Variants in VAV2 observed in about 807,000 individuals in gnomAD.
VAV2 encodes vav guanine nucleotide exchange factor 2, also known as guanine nucleotide exchange factor VAV2.
Under a neutral mutation model 132.5 loss-of-function variants are expected in VAV2, and 67 were observed. That is an observed-to-expected ratio of 0.51 (90% CI 0.42 to 0.62). The LOEUF is 0.62. VAV2 is among the 20% of genes least tolerant of loss of function. The pLI is 0.00. For missense variants in VAV2, 938 were observed against 1,153.6 expected, an observed-to-expected ratio of 0.81 and a Z score of 2.71; for synonymous variants, 492 against 443.5, an observed-to-expected ratio of 1.11 and a Z score of -1.37.
At chr9:133,956,189 G>A (rs950623937) in intron 1 of VAV2, among the ~76,000 whole-genome samples, 2 of 152,074 alleles carry the variant, frequency 1.3e-5, no homozygotes. Context: ...GGTTCACAGG[G>A]AGAGAGGGAG....
intron 1 of VAV2, among the ~76,000 whole-genome samples, chr9:133,988,328 G>A (rs1180693437): frequency 6.6e-6 from 1 of 152,164 alleles, no homozygotes; most frequent in African/African-American, 2.4e-5. Context: ...CCACAAGAGA[G>A]TAAGCCAGCT....
At position 133,820,393 on chromosome 9, in the gene VAV2, G is replaced by A. The variant is rs562444748; in HGVS notation, c.450-8177C>T. On this transcript the variant is annotated intron_variant, in intron 4 of 29. Coordinates refer to ENST00000371850, the MANE Select transcript of VAV2 (RefSeq NM_001134398.2). ...GGCTGAAGTGCAGTGGCACTATCTC[G>A]GCTCACTGCAGGCTCTGCCTCCGGG... is the stretch of plus-strand genomic sequence containing the variant. Among the ~76,000 whole-genome samples the A allele has an allele frequency of 1.1e-4, 16 of 148,752 alleles. No homozygotes were observed. The East Asian group carries it at 1.2e-3, about 11-fold the overall frequency.
chr9:133,962,839 A>T (rs1273132469), intron 1 of VAV2, among the ~76,000 whole-genome samples: 1 of 152,132 alleles, frequency 6.6e-6, no homozygotes, highest in Non-Finnish European at 1.5e-5. Context: ...TTCTGCTTCA[A>T]AACCACATTG....
At chr9:133,864,025 G>A (rs1363223271) in intron 2 of VAV2, among the ~76,000 whole-genome samples, 1 of 152,132 alleles carries the variant, frequency 6.6e-6, no homozygotes, top group African/African-American at 2.4e-5. Context: ...GTCCCCAGGG[G>A]CCCGGCTCTC....
chr9:133,908,274 C>A (rs1564456059), intron 2 of VAV2, among the ~76,000 whole-genome samples: 1 of 152,018 alleles, frequency 6.6e-6, no homozygotes, highest in Non-Finnish European at 1.5e-5. Flanking sequence ...TGGGGTGAGC[C>A]TGGACCCGCA....
chr9:133,966,104 C>T (rs1315642722), intron 1 of VAV2, among the ~76,000 whole-genome samples: 1 of 152,178 alleles, frequency 6.6e-6, no homozygotes, highest in Non-Finnish European at 1.5e-5. Context: ...ACTAGACTTC[C>T]ATGTCTCCCC....
chr9:133,982,970 A>G (rs767443706), intron 1 of VAV2, among the ~76,000 whole-genome samples: 4 of 152,150 alleles, frequency 2.6e-5, no homozygotes, highest in Non-Finnish European at 5.9e-5. Flanking sequence ...CAAGAAACCT[A>G]AAATATTTAC....
At position 133,834,544 on chromosome 9, in the gene VAV2, C is replaced by T. The variant is rs148453015; in HGVS notation, c.381-204G>A. On this transcript the variant is annotated intron_variant, in intron 3 of 29. Transcript: ENST00000371850. The surrounding 1 kb of genome is among the most constrained non-coding windows in gnomAD (Gnocchi z 5.9). ...CTGGGCCATAGGGCAAGAGGAGACCCATGCCTACTTGCCAGGGGGCAAGGA... is the reference window on the plus strand; with the variant it reads ...CTGGGCCATAGGGCAAGAGGAGACCTATGCCTACTTGCCAGGGGGCAAGGA... 1.3e-3 allele frequency among the ~76,000 whole-genome samples: 191 copies of T among 152,384 alleles called. 1 individual carries two copies. The Middle Eastern group carries it at 0.024, about 19-fold the overall frequency.
At position 133,908,865 on chromosome 9, in the gene VAV2, GA is replaced by G. The variant is rs560331790; in HGVS notation, c.321+30237del. On this transcript the variant is annotated intron_variant, in intron 2 of 29. Transcript: ENST00000371850. The stretch of plus-strand genomic sequence containing the variant: ...CCCTGCAGTTCTGAAAATGTGTGGG[GA>G]CCCAGGCACCCACAATCTGGTGAGG... Among the ~76,000 whole-genome samples, 21 of 152,338 alleles carry G rather than the reference GA, an allele frequency of 1.4e-4. 1 individual carries two copies. The South Asian group carries it at 4.4e-3, about 32-fold the overall frequency.
rs1217468550 is a variant in VAV2 at position 133,964,022 on chromosome 9, C to CATATGTACATATAT, written c.205-24804_205-24803insATATATGTACATAT. On this transcript the variant is annotated intron_variant, in intron 1 of 29. Coordinates refer to ENST00000371850, the MANE Select transcript of VAV2 (RefSeq NM_001134398.2). ...TAAACTTTAAAAAAAATTATTCATT[C>CATATGTACATATAT]ATATATATATATATATATATATATA... 9.9e-4 allele frequency among the ~76,000 whole-genome samples: 93 copies of CATATGTACATATAT among 93,846 alleles called. 7 individuals are homozygous for CATATGTACATATAT. Among genetic ancestry groups the CATATGTACATATAT allele is most frequent in the East Asian group, 1.3e-3 (4 of 3,166 alleles). The allele number at this position is 93,846 out of a possible 152,430, so 61.6% of individuals were successfully genotyped here.
intron 2 of VAV2, among the ~76,000 whole-genome samples, chr9:133,896,616 G>C (rs989672190): frequency 2.6e-5 from 4 of 152,206 alleles, no homozygotes; most frequent in African/African-American, 9.7e-5. Flanking sequence ...GTCACTCTCA[G>C]AGGGCAGTTG....
intron 2 of VAV2, among the ~76,000 whole-genome samples, chr9:133,881,907 C>T (rs1191381402): frequency 6.6e-6 from 1 of 152,198 alleles, no homozygotes; most frequent in Non-Finnish European, 1.5e-5. Context: ...TGCTGAGAAC[C>T]TGCCAGGGCG....
At chr9:133,949,876 T>C (rs550323929) in intron 1 of VAV2, among the ~76,000 whole-genome samples, 1 of 152,296 alleles carries the variant, frequency 6.6e-6, no homozygotes, top group African/African-American at 2.4e-5. Flanking sequence ...GACCCGGGCG[T>C]CTCCTGCTGT....
chr9:133,804,826 C>T lies in VAV2; in HGVS notation c.836+1255G>A, dbSNP rs904731099. 6.6e-6 allele frequency among the ~76,000 whole-genome samples: 1 copy of T among 152,200 alleles called. No individual in the cohort carries two copies. The highest frequency in any genetic ancestry group is 1.5e-5 in the Non-Finnish European group (1 of 68,032). On this transcript the variant is annotated intron_variant, in intron 9 of 29. Transcript: ENST00000371850. The surrounding 1 kb of genome is among the most constrained non-coding windows in gnomAD (Gnocchi z 4.5). The stretch of plus-strand genomic sequence containing the variant: ...CCCCCGATCCCTGCCCACTCTTAAC[C>T]CTCTGGGGCTGGCCAGTGTGCTCAC...
In VAV2 at chr9:133,857,430, A is replaced by C. The variant is rs1588275897; in HGVS notation, c.380+3944T>G. 6.6e-6 allele frequency among the ~76,000 whole-genome samples: 1 copy of C among 152,348 alleles called. No individual in the cohort carries two copies. The highest frequency in any genetic ancestry group is 2.1e-4 in the South Asian group (1 of 4,826). On this transcript the variant is annotated intron_variant, in intron 3 of 29. Coordinates refer to ENST00000371850, the MANE Select transcript of VAV2 (RefSeq NM_001134398.2). This position sits in a 1 kb window ranked among gnomAD's most constrained non-coding sequence, Gnocchi z 4.0. ...ATAATTGGGGCTTTTATGGAAAATC[A>C]GCTCATTATGCAAAGTGCAAGGGTT...
rs377547961 is a variant in VAV2, at chr9:133,812,188, C to T, written c.478G>A (p.Asp160Asn). 6.2e-6 allele frequency: 10 copies of T among 1,613,940 alleles called. No homozygotes were observed. The highest frequency in any genetic ancestry group is 8.5e-6 in the Non-Finnish European group (10 of 1,179,996). ...CCTCCATCCTCACACGGGACGCAGT[C>T]GTAGATGTCCTCCCCCAGGTCATGC... ...DEHDLGEDIY[D>N]CVPCEDGGDD... The change falls in exon 5 of 30, where the codon GAC becomes AAC. Residue 160 changes from aspartate to asparagine, a missense_variant. Physicochemically the swap from Asp to Asn is conservative, Grantham distance 23 (BLOSUM62 1). Coordinates refer to ENST00000371850, the MANE Select transcript of VAV2 (RefSeq NM_001134398.2).
chr9:133,794,982 T>C lies in VAV2; in HGVS notation c.1101+686A>G, dbSNP rs1588185101. Among the ~76,000 whole-genome samples, 1 of 151,954 alleles carries C rather than the reference T, an allele frequency of 6.6e-6. No homozygotes were observed. The highest frequency in any genetic ancestry group is 2.1e-4 in the South Asian group (1 of 4,828). On this transcript the variant is annotated intron_variant, in intron 12 of 29. Transcript: ENST00000371850. This position sits in a 1 kb window ranked among gnomAD's most constrained non-coding sequence, Gnocchi z 4.6. ...CGTGGCCAGGTGACGAGGAGGAGGG[T>C]GCACCTGAGCCAACACCCGGAGCCG...
intron 2 of VAV2, among the ~76,000 whole-genome samples, chr9:133,864,220 G>T (rs192858806): frequency 6.9e-6 from 1 of 144,006 alleles, no homozygotes; most frequent in Non-Finnish European, 1.5e-5. Context: ...AGACAGCCGC[G>T]GGGCAGGAGG....
chr9:133,933,652 G>A lies in VAV2; in HGVS notation c.321+5451C>T, dbSNP rs144372760. ...GGATGGATGGATGGATGAATGGACG[G>A]ATGGGTGGATGGGTGGACGGATGGA... On this transcript the variant is annotated intron_variant, in intron 2 of 29. Transcript: ENST00000371850. Among the ~76,000 whole-genome samples the A allele has an allele frequency of 1.3e-4, 19 of 150,322 alleles. No homozygotes were observed. In the East Asian group the frequency reaches 3.6e-3, roughly 28 times the overall value.
Sources: gnomAD v4.1 joint callset for allele counts (sites outside exome capture counted in the v4.1 genomes callset) on GRCh38, gnomAD v4.1.1 for gene constraint, Gnocchi (gnomAD v3.1) non-coding constraint, MANE v1.5 for transcripts, NCBI Gene and HGNC (gene_info 2026-07-23, HGNC 2026-07-21) for gene names.